The following HNRNPM variants were observed in gnomAD, a reference collection of about 807,000 sequenced individuals.
HNRNPM encodes CEA receptor.
A neutral mutation model predicts 73.1 loss-of-function variants in HNRNPM; 11 were observed. That is an observed-to-expected ratio of 0.15 (90% CI 0.09 to 0.25). The LOEUF (loss-of-function observed/expected upper bound fraction) is 0.25. Ranked by LOEUF, HNRNPM falls within the 10% of genes least tolerant of loss-of-function variation. HNRNPM has a pLI of 1.00. For missense variants in HNRNPM, 789 were observed against 1,067.9 expected, an observed-to-expected ratio of 0.74 and a Z score of 3.64; for synonymous variants, 407 against 355.2, an observed-to-expected ratio of 1.15 and a Z score of -1.64.
chr19:8,467,920 G>A (rs561695215), intron 8 of HNRNPM, among the ~76,000 whole-genome samples: 5 of 152,246 alleles, frequency 3.3e-5, no homozygotes, highest in East Asian at 1.9e-4. Context: ...CCAGCTACTC[G>A]GGAGGCTGAG....
chr19:8,486,247 A>G lies in HNRNPM; in HGVS notation c.1819A>G (p.Met607Val), dbSNP rs981255954. Residue 607 changes from methionine to valine, a missense_variant, in exon 14 of 16, where the codon ATG becomes GTG. By Grantham distance (21) the Met-to-Val change is conservative. Transcript: ENST00000325495. ...GGCCCTGGGCGCTGGCATTGAGCGC[A>G]TGGGCCTGGCCATGGGTGGCGGTGG... ...GPALGAGIER[M>V]GLAMGGGGGA... The G allele has an allele frequency of 6.2e-7, 1 of 1,602,914 alleles. No homozygotes were observed. Among genetic ancestry groups the G allele is most frequent in the Non-Finnish European group, 8.5e-7 (1 of 1,179,320 alleles).
At chr19:8,447,399 T>C (rs1394667207) in intron 1 of HNRNPM, among the ~76,000 whole-genome samples, 1 of 152,096 alleles carries the variant, frequency 6.6e-6, no homozygotes, top group East Asian at 1.9e-4. Flanking sequence ...ATAAGGTAAT[T>C]ATGCTGTGAT....
chr19:8,478,775 G>T (rs1970687472), intron 12 of HNRNPM, among the ~76,000 whole-genome samples: 1 of 152,114 alleles, frequency 6.6e-6, no homozygotes, highest in African/African-American at 2.4e-5. Context: ...TTGACTTTCT[G>T]GCCCCCTAGG....
At chr19:8,481,059 GA>G (rs1970884050) in intron 12 of HNRNPM, among the ~76,000 whole-genome samples, 1 of 152,196 alleles carries the variant, frequency 6.6e-6, no homozygotes, top group South Asian at 2.1e-4. Context: ...TTTGCCATGA[GA>G]GGTGAACCAT....
At chr19:8,459,846 C>T (rs1224309339) in intron 2 of HNRNPM, among the ~76,000 whole-genome samples, 1 of 152,080 alleles carries the variant, frequency 6.6e-6, no homozygotes, top group Non-Finnish European at 1.5e-5. Flanking sequence ...AAATGTTGGT[C>T]AAAAATGATT....
chr19:8,487,114 G>A (rs770228295), intron 15 of HNRNPM, 39 bp downstream of exon 15: 15 of 1,570,946 alleles, frequency 9.5e-6, no homozygotes, highest in Non-Finnish European at 1.3e-5. Flanking sequence ...CTTCCCTCGT[G>A]CTTGTTGGTG....
chr19:8,463,950 C>G (rs188869005), intron 5 of HNRNPM: 413 of 410,304 alleles, frequency 1.0e-3, no homozygotes, highest in African/African-American at 7.5e-3. Context: ...CAGGGACTCT[C>G]AAACCATGAG....
intron 12 of HNRNPM, among the ~76,000 whole-genome samples, chr19:8,479,458 A>G (rs1222573503): frequency 1.3e-5 from 2 of 152,042 alleles, no homozygotes; most frequent in Admixed American, 6.6e-5. Context: ...TTCATCCTTC[A>G]GCTCATCAGA....
At chr19:8,459,349 T>C (rs1206470603) in intron 2 of HNRNPM, among the ~76,000 whole-genome samples, 1 of 152,210 alleles carries the variant, frequency 6.6e-6, no homozygotes, top group Non-Finnish European at 1.5e-5. Context: ...CGTTCTGTTA[T>C]TGCCACGCAA....
chr19:8,473,960 T>C (rs1970332684), intron 11 of HNRNPM, among the ~76,000 whole-genome samples: 1 of 151,946 alleles, frequency 6.6e-6, no homozygotes, highest in African/African-American at 2.4e-5. Flanking sequence ...TGTCTATTCA[T>C]TGAGGGGGTT....
intron 1 of HNRNPM, among the ~76,000 whole-genome samples, chr19:8,454,632 A>G (rs1441466908): frequency 7.0e-6 from 1 of 142,340 alleles, no homozygotes; most frequent in African/African-American, 2.6e-5. Flanking sequence ...TTTAATTTTG[A>G]GTGACTACCT....
chr19:8,473,518 C>G, intron 10 of HNRNPM, 146 bp from the exon 11 acceptor site: 1 of 592,526 alleles, frequency 1.7e-6, no homozygotes, highest in Non-Finnish European at 3.0e-6. Context: ...GGCTTTTTTT[C>G]TTGCTGATTA....
intron 3 of HNRNPM, 25 bp from the exon 4 acceptor site, chr19:8,463,472 G>C: frequency 6.2e-7 from 1 of 1,613,128 alleles, no homozygotes; most frequent in Non-Finnish European, 8.5e-7. Context: ...TTGCTCTTCT[G>C]ACTGGTCTCT....
At chr19:8,483,113 C>A (rs764852264) in intron 12 of HNRNPM, 45 bp from the exon 13 acceptor site, 12 of 1,217,732 alleles carry the variant, frequency 9.9e-6, no homozygotes, top group Non-Finnish European at 1.5e-5. Flanking sequence ...TTTCTATTGC[C>A]ATAGAGGAAT....
At chr19:8,488,650 A>G in intron 15 of HNRNPM, 41 bp from the exon 16 acceptor site, 1 of 1,581,870 alleles carries the variant, frequency 6.3e-7, no homozygotes, top group Non-Finnish European at 8.6e-7. Flanking sequence ...ATCTAACAAA[A>G]TCGGGACTGA....
intron 12 of HNRNPM, among the ~76,000 whole-genome samples, chr19:8,476,771 G>A (rs1189602722): frequency 1.3e-5 from 2 of 152,164 alleles, no homozygotes; most frequent in Admixed American, 6.5e-5. Context: ...TGTCTGGAGT[G>A]GGGTGCTGCC....
chr19:8,453,650 A>T (rs1968788273), intron 1 of HNRNPM, among the ~76,000 whole-genome samples: 1 of 152,040 alleles, frequency 6.6e-6, no homozygotes, highest in African/African-American at 2.4e-5. Context: ...TCTGGGAGTC[A>T]CTGGATTCTC....
intron 12 of HNRNPM, 107 bp from the exon 13 acceptor site, chr19:8,483,051 T>G (rs1971032165): frequency 1.4e-6 from 1 of 712,492 alleles, no homozygotes; most frequent in African/African-American, 1.8e-5. Flanking sequence ...TTTCCCTTTA[T>G]CTTGTCATTT....
chr19:8,486,242 A>C lies in HNRNPM; in HGVS notation c.1814A>C (p.Glu605Ala), dbSNP rs1971296677. 6.2e-7 allele frequency: 1 copy of C among 1,602,492 alleles called. No individual in the cohort carries two copies. Among genetic ancestry groups the C allele is most frequent in the Non-Finnish European group, 8.5e-7 (1 of 1,178,940 alleles). The change falls in exon 14 of 16, where the codon GAG (glutamate) becomes GCG (alanine). Residue 605 changes from glutamate to alanine, a missense_variant. By Grantham distance (107) the Glu-to-Ala change is moderately radical. This residue lies in a region of HNRNPM where 604 missense variants were observed against 744.0 expected (regional missense o/e 0.81). Coordinates refer to ENST00000325495, the MANE Select transcript of HNRNPM (RefSeq NM_005968.5). ...GGCCCGGCCCTGGGCGCTGGCATTGAGCGCATGGGCCTGGCCATGGGTGGC... is the reference window on the plus strand; with the variant it reads ...GGCCCGGCCCTGGGCGCTGGCATTGCGCGCATGGGCCTGGCCATGGGTGGC... Reference protein sequence around the residue: ...AMGPALGAGIERMGLAMGGGG... With the variant: ...AMGPALGAGIARMGLAMGGGG...
Sources: allele counts gnomAD v4.1 joint callset (sites outside exome capture counted in the v4.1 genomes callset), GRCh38; gene constraint gnomAD v4.1.1; regional missense constraint gnomAD v4.1.1; transcripts MANE v1.5; gene names NCBI Gene and HGNC (gene_info 2026-07-23, HGNC 2026-07-21).